The following ADAMTS6 variants were observed in gnomAD, a reference collection of about 807,000 sequenced individuals.
ADAMTS6 encodes the protein A disintegrin and metalloproteinase with thrombospondin motifs 6.
A neutral mutation model predicts 144.3 loss-of-function variants in ADAMTS6; 23 were observed. That is an observed-to-expected ratio of 0.16 (90% CI 0.11 to 0.23). The LOEUF (loss-of-function observed/expected upper bound fraction) is 0.23. Ranked by LOEUF, ADAMTS6 falls within the 10% of genes least tolerant of loss-of-function variation. The pLI is 1.00. For synonymous variants in ADAMTS6, 444 were observed against 457.5 expected (o/e 0.97, Z 0.38); for missense variants, 999 against 1,379.6 (o/e 0.72, Z 4.37).
intron 22 of ADAMTS6, among the ~76,000 whole-genome samples, chr5:65,185,217 T>C (rs891072165): frequency 6.6e-6 from 1 of 152,210 alleles, no homozygotes; most frequent in African/African-American, 2.4e-5. Flanking sequence ...TTTAACGTTA[T>C]TTATTCTTAC....
chr5:65,481,115 A>G (rs1428674192), intron 1 of ADAMTS6, among the ~76,000 whole-genome samples: 2 of 151,456 alleles, frequency 1.3e-5, no homozygotes, highest in African/African-American at 4.9e-5. Flanking sequence ...TTTGCATCAT[A>G]AAATAACTGC....
At chr5:65,386,350 C>T (rs112266491) in intron 7 of ADAMTS6, among the ~76,000 whole-genome samples, 3,574 of 152,048 alleles carry the variant, frequency 0.024, 75 homozygotes, top group South Asian at 0.035. Flanking sequence ...TGATTTTTAT[C>T]TATAATAAAT....
intron 15 of ADAMTS6, among the ~76,000 whole-genome samples, chr5:65,235,727 C>A (rs1054514672): frequency 6.6e-6 from 1 of 151,856 alleles, no homozygotes; most frequent in Non-Finnish European, 1.5e-5. Flanking sequence ...CTGTAGATGG[C>A]CTATTGTGGG....
intron 9 of ADAMTS6, among the ~76,000 whole-genome samples, chr5:65,312,516 A>G (rs1047628838): frequency 2.0e-5 from 3 of 152,078 alleles, no homozygotes; most frequent in Non-Finnish European, 4.4e-5. Context: ...TTTCTAAAAC[A>G]GAGTTTGGAA....
intron 11 of ADAMTS6, among the ~76,000 whole-genome samples, chr5:65,281,215 T>A (rs1454796317): frequency 1.3e-5 from 2 of 152,144 alleles, no homozygotes; most frequent in African/African-American, 4.8e-5. Context: ...CTGTTCGATA[T>A]CAATGTCCCA....
intron 6 of ADAMTS6, 101 bp from the exon 7 acceptor site, chr5:65,451,721 T>C: frequency 2.9e-6 from 4 of 1,379,634 alleles, no homozygotes; most frequent in Non-Finnish European, 4.0e-6. Context: ...AGAAGCAGTG[T>C]TTCTAGGAAT....
intron 10 of ADAMTS6, among the ~76,000 whole-genome samples, chr5:65,297,670 A>C (rs898249308): frequency 2.6e-5 from 4 of 152,250 alleles, no homozygotes; most frequent in Non-Finnish European, 5.9e-5. Context: ...ATTAATAAAA[A>C]GGAACAAAGA....
At chr5:65,370,001 A>G (rs576249542) in intron 7 of ADAMTS6, among the ~76,000 whole-genome samples, 6 of 152,172 alleles carry the variant, frequency 3.9e-5, no homozygotes, top group Admixed American at 2.6e-4. Flanking sequence ...CTCATTATCA[A>G]TATGTTCAAG....
intron 7 of ADAMTS6, among the ~76,000 whole-genome samples, chr5:65,386,933 A>C (rs577722480): frequency 2.0e-5 from 3 of 152,326 alleles, no homozygotes; most frequent in Non-Finnish European, 4.4e-5. Context: ...TTGACTGTTC[A>C]TTTTTTGCCA....
rs187184732 is a variant in ADAMTS6, at chr5:65,438,459, G to A, written c.1073+13016C>T. ...ATGAGAATCGCTTGAACCAGGAGGC[G>A]GAGGGTGCAGTGAGCCAAGATCACG... On this transcript the variant is annotated intron_variant, in intron 7 of 24. Coordinates refer to ENST00000381055, the MANE Select transcript of ADAMTS6 (RefSeq NM_197941.4). 5.5e-4 allele frequency among the ~76,000 whole-genome samples: 83 copies of A among 152,210 alleles called. 1 individual carries two copies. In the East Asian group the frequency reaches 0.011, roughly 21 times the overall value.
chr5:65,185,740 AGAGGGGT>A (rs1440674733), intron 22 of ADAMTS6, among the ~76,000 whole-genome samples: 1 of 152,244 alleles, frequency 6.6e-6, no homozygotes, highest in Non-Finnish European at 1.5e-5. Context: ...AAATTCTAAT[AGAGGGGT>A]AAGATCAACC....
chr5:65,401,756 T>C (rs532741541), intron 7 of ADAMTS6, among the ~76,000 whole-genome samples: 21 of 152,308 alleles, frequency 1.4e-4, no homozygotes, highest in East Asian at 5.8e-4. Flanking sequence ...ACTTCTCTTA[T>C]AGATGTAAGA....
chr5:65,391,664 T>C (rs1234218714), intron 7 of ADAMTS6, among the ~76,000 whole-genome samples: 1 of 152,164 alleles, frequency 6.6e-6, no homozygotes, highest in Non-Finnish European at 1.5e-5. Flanking sequence ...TTAGACATTA[T>C]ATTTAGCTGT....
At chr5:65,231,106 A>G (rs1465080421) in intron 15 of ADAMTS6, among the ~76,000 whole-genome samples, 1 of 151,660 alleles carries the variant, frequency 6.6e-6, no homozygotes, top group Non-Finnish European at 1.5e-5. Context: ...TTTTTTAAAA[A>G]AAAACAAGAC....
chr5:65,324,959 A>T (rs79516668), intron 9 of ADAMTS6, among the ~76,000 whole-genome samples: 3 of 152,202 alleles, frequency 2.0e-5, no homozygotes, highest in Non-Finnish European at 4.4e-5. Flanking sequence ...TACTATTCAG[A>T]AAAAAAGTGA....
At chr5:65,339,409 C>G (rs1011008930) in intron 7 of ADAMTS6, among the ~76,000 whole-genome samples, 2 of 147,724 alleles carry the variant, frequency 1.4e-5, no homozygotes, top group African/African-American at 5.1e-5. Context: ...GCTTTTCTAC[C>G]AGTTGCACAG....
intron 4 of ADAMTS6, among the ~76,000 whole-genome samples, chr5:65,453,538 C>T (rs1273527006): frequency 2.6e-5 from 4 of 152,192 alleles, no homozygotes; most frequent in Non-Finnish European, 4.4e-5. Flanking sequence ...AGGTAAGAGA[C>T]ATTCAATTAT....
At chr5:65,328,684 AG>A (rs1368952747) in intron 9 of ADAMTS6, among the ~76,000 whole-genome samples, 1 of 151,546 alleles carries the variant, frequency 6.6e-6, no homozygotes, top group African/African-American at 2.4e-5. Flanking sequence ...TTAAAAAAAA[AG>A]TATTATCAAG....
intron 18 of ADAMTS6, among the ~76,000 whole-genome samples, chr5:65,220,439 GAAAC>G (rs906235595): frequency 1.3e-5 from 2 of 152,162 alleles, no homozygotes; most frequent in African/African-American, 4.8e-5. Context: ...TAGAAAAAAA[GAAAC>G]AAACAGAAGA....
Sources: allele counts gnomAD v4.1 joint callset (sites outside exome capture counted in the v4.1 genomes callset), GRCh38; gene constraint gnomAD v4.1.1; transcripts MANE v1.5; gene names NCBI Gene and HGNC (gene_info 2026-07-23, HGNC 2026-07-21).